The following MYPN variants were observed in gnomAD, a reference collection of about 807,000 sequenced individuals.
MYPN encodes the protein sarcomeric protein myopalladin, 145 kDa (MYOP).
Under a neutral mutation model 129.4 loss-of-function variants are expected in MYPN, and 63 were observed. The ratio of observed to expected loss-of-function variants is 0.49; its 90% CI spans 0.40 to 0.60. The LOEUF (loss-of-function observed/expected upper bound fraction) is 0.60. Among genes scored for constraint, MYPN ranks in the 20% least tolerant of loss-of-function variants. The pLI is 0.00. For synonymous variants in MYPN, 629 were observed against 600.9 expected (o/e 1.05, Z -0.68); for missense variants, 1,596 against 1,635.4 (o/e 0.98, Z 0.42).
At chr10:68,100,138 T>G (rs17535153) in intron 1 of MYPN, among the ~76,000 whole-genome samples, 3,886 of 152,308 alleles carry the variant, frequency 0.026, 69 homozygotes, top group Middle Eastern at 0.058. Context: ...AGCATATAAT[T>G]TTTTCAGTTT....
intron 1 of MYPN, among the ~76,000 whole-genome samples, chr10:68,091,312 C>T (rs1309057129): frequency 6.6e-6 from 1 of 151,296 alleles, no homozygotes. Context: ...ATTCTATTAC[C>T]TCTTAAGATA....
chr10:68,197,041 C>T (rs2043618990), intron 15 of MYPN, among the ~76,000 whole-genome samples: 1 of 152,140 alleles, frequency 6.6e-6, no homozygotes, highest in Non-Finnish European at 1.5e-5. Context: ...ATTTTGATGG[C>T]TTTTGAATAA....
At chr10:68,100,190 T>C (rs995895387) in intron 1 of MYPN, among the ~76,000 whole-genome samples, 14 of 152,172 alleles carry the variant, frequency 9.2e-5, no homozygotes, top group Non-Finnish European at 1.9e-4. Flanking sequence ...ACTTCCTGGG[T>C]TATTGTAGTA....
intron 11 of MYPN, among the ~76,000 whole-genome samples, chr10:68,174,907 G>A (rs1280668357): frequency 1.3e-5 from 2 of 152,152 alleles, no homozygotes; most frequent in Non-Finnish European, 2.9e-5. Flanking sequence ...GGCCGAGGAA[G>A]GCAGATCACT....
intron 2 of MYPN, among the ~76,000 whole-genome samples, chr10:68,131,430 T>A (rs1445132626): frequency 6.7e-6 from 1 of 149,906 alleles, no homozygotes; most frequent in Non-Finnish European, 1.5e-5. Context: ...CTAATAAGAT[T>A]TTTGGAATTG....
At chr10:68,144,582 A>G (rs1041484342) in intron 3 of MYPN, among the ~76,000 whole-genome samples, 1 of 152,110 alleles carries the variant, frequency 6.6e-6, no homozygotes, top group Admixed American at 6.6e-5. Context: ...GGAATGCACT[A>G]TCTTGAGAAG....
chr10:68,174,522 C>T lies in MYPN; in HGVS notation c.2430C>T (p.Arg810=). The change falls in exon 11 of 20, where the codon CGC becomes CGT. Residue 810 remains arginine (R), a synonymous_variant. Coordinates refer to ENST00000358913, the MANE Select transcript of MYPN (RefSeq NM_032578.4). ...SIPSGNQFQP[R]CVSPIPVSPT... ...CCAGCGGAAACCAGTTTCAGCCCCG[C>T]TGTGTGTCCCCAATTCCTGTCTCTC... The T allele has an allele frequency of 6.2e-7, 1 of 1,614,114 alleles. No individual in the cohort carries two copies. The highest frequency in any genetic ancestry group is 1.1e-5 in the South Asian group (1 of 91,084).
intron 1 of MYPN, among the ~76,000 whole-genome samples, chr10:68,115,747 A>C (rs1008500690): frequency 3.3e-5 from 5 of 152,226 alleles, no homozygotes; most frequent in African/African-American, 1.2e-4. Context: ...CATGGTCTGC[A>C]AGACCTTAAA....
intron 2 of MYPN, chr10:68,135,384 C>G (rs1194881564): frequency 3.2e-5 from 21 of 665,976 alleles, no homozygotes; most frequent in Admixed American, 6.3e-5. Flanking sequence ...ACAGGACATA[C>G]AAATTGTGTC....
rs3814184 is a variant in MYPN at position 68,206,494 on chromosome 10, G to A, written c.3660-276G>A. On this transcript the variant is annotated intron_variant, in intron 18 of 19. Coordinates refer to ENST00000358913, the MANE Select transcript of MYPN (RefSeq NM_032578.4). ...CCTTGTTTGGAAAAGAGATCTTTCT[G>A]AACTTTGGTTGTGAAAATTGGGGGT... Among the ~76,000 whole-genome samples, 21,347 of 152,128 alleles carry A rather than the reference G, an allele frequency of 0.14. 1,986 individuals are homozygous for A. The highest frequency in any genetic ancestry group is 0.2 in the Admixed American group (3,050 of 15,268).
Position 68,161,599 on chromosome 10 carries a change from T to A in MYPN, c.1460-130T>A, listed in dbSNP as rs183307444. On this transcript the variant is annotated intron_variant, in intron 7 of 19. Coordinates refer to ENST00000358913, the MANE Select transcript of MYPN (RefSeq NM_032578.4). ...CCTGTTGAGATCATCTTACTTAATATTGTCACATAATCTTATTGTATCACT... is the reference window on the plus strand; with the variant it reads ...CCTGTTGAGATCATCTTACTTAATAATGTCACATAATCTTATTGTATCACT... The A allele has an allele frequency of 5.3e-5, 37 of 701,336 alleles. No individual in the cohort carries two copies. The African/African-American group carries it at 6.5e-4, about 12-fold the overall frequency. 43.4% of individuals were successfully genotyped at this position (701,336 alleles called of 1,614,324 possible).
chr10:68,124,527 A>T (rs1285610577), intron 2 of MYPN, among the ~76,000 whole-genome samples: 2 of 145,698 alleles, frequency 1.4e-5, no homozygotes, highest in African/African-American at 2.5e-5. Context: ...CCAAAGACAT[A>T]TTCATATATT....
intron 8 of MYPN, among the ~76,000 whole-genome samples, chr10:68,162,949 G>A (rs1219873873): frequency 1.3e-5 from 2 of 152,132 alleles, no homozygotes; most frequent in African/African-American, 4.8e-5. Context: ...CTCTGTGGGG[G>A]TCTTCAAACT....
At chr10:68,154,950 C>T (rs1433110647) in intron 6 of MYPN, among the ~76,000 whole-genome samples, 2 of 152,074 alleles carry the variant, frequency 1.3e-5, no homozygotes, top group Non-Finnish European at 2.9e-5. Flanking sequence ...GAGGTTGAGG[C>T]AGGAGGATCA....
chr10:68,143,970 T>G lies in MYPN; in HGVS notation c.1078+855T>G, dbSNP rs573048030. On this transcript the variant is annotated intron_variant, in intron 3 of 19. Coordinates refer to ENST00000358913, the MANE Select transcript of MYPN (RefSeq NM_032578.4). ...GGGTTTCACCATGTTGGCCAGGCTG[T>G]TCTTGGACTCCTCACCTCAAGTGAT... Among the ~76,000 whole-genome samples the G allele has an allele frequency of 9.1e-4, 139 of 152,180 alleles. 1 individual carries two copies. The highest frequency in any genetic ancestry group is 5.9e-4 in the Admixed American group (9 of 15,294).
At chr10:68,180,823 G>C (rs2043302848) in intron 12 of MYPN, among the ~76,000 whole-genome samples, 1 of 152,134 alleles carries the variant, frequency 6.6e-6, no homozygotes, top group African/African-American at 2.4e-5. Flanking sequence ...CCACCAATTG[G>C]AAGGAACTGC....
At chr10:68,137,326 T>C (rs921715679) in intron 2 of MYPN, among the ~76,000 whole-genome samples, 2 of 152,224 alleles carry the variant, frequency 1.3e-5, no homozygotes, top group African/African-American at 4.8e-5. Flanking sequence ...AATCCAACCT[T>C]ACACAGTTAT....
At chr10:68,103,805 C>G (rs910752113), upstream of MYPN, among the ~76,000 whole-genome samples, 1 of 152,166 alleles carries the variant, frequency 6.6e-6, no homozygotes, top group Non-Finnish European at 1.5e-5. Context: ...CAAAAATTAG[C>G]CAGCCGTGGT....
intron 14 of MYPN, 21 bp from the exon 15 acceptor site, chr10:68,195,429 T>TGCTCTTTTTCTG: frequency 6.2e-7 from 1 of 1,609,782 alleles, no homozygotes; most frequent in Non-Finnish European, 8.5e-7. Context: ...GTTTTAATCT[T>TGCTCTTTTTCTG]GCTCTTTTTC....
Sources: allele counts gnomAD v4.1 joint callset (sites outside exome capture counted in the v4.1 genomes callset), GRCh38; gene constraint gnomAD v4.1.1; transcripts MANE v1.5; gene names NCBI Gene and HGNC (gene_info 2026-07-23, HGNC 2026-07-21).